Variants in SNTG1 observed in about 807,000 individuals in gnomAD.
The protein encoded by SNTG1 is syntrophin gamma 1, also known as gamma-1-syntrophin.
A neutral mutation model predicts 74.7 loss-of-function variants in SNTG1; 39 were observed. The ratio of observed to expected loss-of-function variants is 0.52; its 90% CI spans 0.40 to 0.68. The LOEUF is 0.68. SNTG1 is among the 30% of genes least tolerant of loss of function. SNTG1 has a pLI of 0.00. For missense variants in SNTG1, 685 were observed against 609.5 expected (o/e 1.12, Z -1.30); for synonymous variants, 254 against 217.1 (o/e 1.17, Z -1.49).
At position 50,433,943 on chromosome 8, in the gene SNTG1, G is replaced by T. The variant is rs1340068118; in HGVS notation, c.163-4600G>T. On this transcript the variant is annotated intron_variant, in intron 4 of 18. Transcript: ENST00000642720. ...CTAGGGTACATGTGCACAACGTGCA[G>T]GTTTGTTACATATGTATACATGTGC... Among the ~76,000 whole-genome samples, 5 of 152,126 alleles carry T rather than the reference G, an allele frequency of 3.3e-5. No individual in the cohort carries two copies. The East Asian group carries it at 7.7e-4, about 24-fold the overall frequency.
chr8:50,066,574 CT>C (rs1450714280), intron 1 of SNTG1, among the ~76,000 whole-genome samples: 1 of 152,098 alleles, frequency 6.6e-6, no homozygotes, highest in Non-Finnish European at 1.5e-5. Flanking sequence ...GTTTGTATAT[CT>C]ATGCTATAGC....
chr8:50,623,414 TTTC>T (rs1445297953), intron 13 of SNTG1, among the ~76,000 whole-genome samples: 4 of 152,144 alleles, frequency 2.6e-5, no homozygotes, highest in Admixed American at 2.6e-4. Context: ...AAATGTAATT[TTTC>T]TTCAATTTAT....
At chr8:50,635,906 C>T (rs995055227) in intron 13 of SNTG1, among the ~76,000 whole-genome samples, 1 of 152,034 alleles carries the variant, frequency 6.6e-6, no homozygotes. Context: ...CACCTGAAGC[C>T]AGCAAGGCTC....
chr8:49,953,984 T>C (rs1277823218), intron 1 of SNTG1, among the ~76,000 whole-genome samples: 1 of 152,292 alleles, frequency 6.6e-6, no homozygotes, highest in African/African-American at 2.4e-5. Context: ...AACCAAAAGA[T>C]GGAAATTCCT....
At chr8:50,444,665 G>A (rs1212118636) in intron 5 of SNTG1, among the ~76,000 whole-genome samples, 2 of 151,068 alleles carry the variant, frequency 1.3e-5, no homozygotes, top group Admixed American at 6.6e-5. Flanking sequence ...CAGGAAAATC[G>A]CTTGAACCTG....
At chr8:50,038,162 C>T (rs1818320886) in intron 1 of SNTG1, among the ~76,000 whole-genome samples, 1 of 152,156 alleles carries the variant, frequency 6.6e-6, no homozygotes, top group African/African-American at 2.4e-5. Context: ...TAGGTGGTCT[C>T]CTTGCCTTCT....
intron 1 of SNTG1, among the ~76,000 whole-genome samples, chr8:50,097,060 C>A (rs1008724035): frequency 1.3e-5 from 2 of 151,974 alleles, no homozygotes; most frequent in East Asian, 3.9e-4. Flanking sequence ...AGCTCCACCT[C>A]CTGGGTTCAC....
intron 2 of SNTG1, among the ~76,000 whole-genome samples, chr8:50,183,723 C>T (rs566029494): frequency 3.1e-4 from 47 of 152,276 alleles, no homozygotes; most frequent in African/African-American, 1.0e-3. Context: ...TACAACTATG[C>T]TGATGAGTTC....
At chr8:50,733,855 T>A (rs902442307) in intron 17 of SNTG1, among the ~76,000 whole-genome samples, 4 of 151,796 alleles carry the variant, frequency 2.6e-5, no homozygotes, top group Non-Finnish European at 4.4e-5. Flanking sequence ...ATGACTATTA[T>A]TTTTCTTTTA....
intron 16 of SNTG1, among the ~76,000 whole-genome samples, chr8:50,706,170 C>A (rs1402243507): frequency 6.6e-6 from 1 of 152,098 alleles, no homozygotes; most frequent in Non-Finnish European, 1.5e-5. Flanking sequence ...GTTCAGTTGA[C>A]TCTTTTCAAT....
chr8:50,347,385 A>G (rs1341776642), intron 2 of SNTG1, among the ~76,000 whole-genome samples: 1 of 152,162 alleles, frequency 6.6e-6, no homozygotes, highest in Non-Finnish European at 1.5e-5. Flanking sequence ...GCTCAAAAAT[A>G]AAACAAAACA....
intron 2 of SNTG1, 113 bp from the exon 3 acceptor site, chr8:50,394,099 T>C: frequency 1.4e-6 from 1 of 715,156 alleles, no homozygotes; most frequent in East Asian, 2.9e-5. Context: ...TTACAAGTGG[T>C]TGTAAACACA....
At chr8:50,497,621 G>C (rs151122852) in intron 8 of SNTG1, among the ~76,000 whole-genome samples, 2 of 152,046 alleles carry the variant, frequency 1.3e-5, no homozygotes, top group African/African-American at 4.8e-5. Flanking sequence ...TAAATCTATA[G>C]AAAAATAGGG....
At chr8:50,089,673 C>T (rs895693119) in intron 1 of SNTG1, among the ~76,000 whole-genome samples, 5 of 152,132 alleles carry the variant, frequency 3.3e-5, no homozygotes, top group African/African-American at 1.2e-4. Flanking sequence ...TCATCACTGG[C>T]CATCAGAGAA....
intron 2 of SNTG1, among the ~76,000 whole-genome samples, chr8:50,298,652 C>T (rs1337233127): frequency 6.6e-6 from 1 of 152,118 alleles, no homozygotes; most frequent in East Asian, 1.9e-4. Flanking sequence ...ATATTAAAAA[C>T]CTAACAAGCT....
intron 8 of SNTG1, chr8:50,490,861 C>G (rs77037470): frequency 6.6e-6 from 1 of 152,586 alleles, no homozygotes; most frequent in Admixed American, 6.5e-5. Context: ...GCTCCTGCTC[C>G]GCCAGGTCCT....
intron 2 of SNTG1, among the ~76,000 whole-genome samples, chr8:50,312,439 AT>A (rs2090151809): frequency 6.6e-6 from 1 of 150,660 alleles, no homozygotes; most frequent in African/African-American, 2.5e-5. Flanking sequence ...AAAACATAAT[AT>A]TTTTATGCAT....
rs139660356 is a variant in SNTG1, at chr8:50,695,050, C to T, written c.1039-9550C>T. On this transcript the variant is annotated intron_variant, in intron 15 of 18. Transcript: ENST00000642720. ...AAGACAAGAATGCCCACTATCACCA[C>T]TCGTATTCATTATAGTGTTGAAGGT... is the stretch of plus-strand genomic sequence containing the variant. Among the ~76,000 whole-genome samples, 8 of 151,980 alleles carry T rather than the reference C, an allele frequency of 5.3e-5. 1 individual carries two copies. The highest frequency in any genetic ancestry group is 1.0e-4 in the Non-Finnish European group (7 of 67,866).
At chr8:49,923,303 T>C (rs952331303) in intron 1 of SNTG1, among the ~76,000 whole-genome samples, 3 of 152,152 alleles carry the variant, frequency 2.0e-5, no homozygotes, top group South Asian at 2.1e-4. Context: ...ACCCAATCTT[T>C]ATTTCTGTGA....
Sources: gnomAD v4.1 joint callset for allele counts (sites outside exome capture counted in the v4.1 genomes callset) on GRCh38, gnomAD v4.1.1 for gene constraint, MANE v1.5 for transcripts, NCBI Gene and HGNC (gene_info 2026-07-23, HGNC 2026-07-21) for gene names.